Variants in ATR observed in about 807,000 individuals in gnomAD.
The protein encoded by ATR is ATR checkpoint kinase, also known as serine/threonine-protein kinase ATR.
In ATR, 142 loss-of-function variants were observed where a neutral mutation model predicts 305.3. That is an observed-to-expected ratio of 0.47 (90% CI 0.41 to 0.53). The LOEUF is 0.53. ATR is among the 20% of genes least tolerant of loss of function. The pLI is 0.00. For missense variants in ATR, 2,135 were observed against 3,133.1 expected (o/e 0.68, Z 7.60); for synonymous variants, 1,050 against 1,068.1 (o/e 0.98, Z 0.33).
intron 36 of ATR, among the ~76,000 whole-genome samples, chr3:142,471,088 T>G (rs1313199199): frequency 6.6e-6 from 1 of 152,144 alleles, no homozygotes; most frequent in Non-Finnish European, 1.5e-5. Flanking sequence ...TCGTACCTAT[T>G]AAACAGTAAC....
chr3:142,565,921 T>C (rs1189493863), intron 3 of ATR, among the ~76,000 whole-genome samples, 200 bp downstream of exon 3: 3 of 152,124 alleles, frequency 2.0e-5, no homozygotes, highest in Admixed American at 2.0e-4. Context: ...TGATTATTTC[T>C]AAGTACCTAG....
At position 142,547,755 on chromosome 3, in the gene ATR, G is replaced by A. The variant is rs147717467; in HGVS notation, c.3327C>T (p.Gly1109=). ...GTTCAGGTGATATGATATCTCTCGG[G>A]CCCTGATATGGATCATCACTGGATG... is the stretch of plus-strand genomic sequence containing the variant. ...SFASSDDPYQ[G]PRDIISPELM... The change falls in exon 16 of 47, where the codon GGC becomes GGT. Residue 1109 remains glycine, a synonymous_variant. Transcript: ENST00000350721. 1.5e-5 allele frequency: 25 copies of A among 1,613,714 alleles called. No homozygotes were observed. The African/African-American group carries it at 3.3e-4, about 22-fold the overall frequency.
intron 39 of ATR, 60 bp downstream of exon 39, chr3:142,467,874 C>A (rs1361277856): frequency 1.1e-5 from 18 of 1,580,468 alleles, no homozygotes; most frequent in Middle Eastern, 1.7e-4. Context: ...AAAAAATCTG[C>A]TCAAATTATA....
At chr3:142,466,107 C>T (rs757429253) in intron 40 of ATR, among the ~76,000 whole-genome samples, 15 of 151,256 alleles carry the variant, frequency 9.9e-5, no homozygotes, top group African/African-American at 2.7e-4. Flanking sequence ...AAAATCAAAA[C>T]GTTACGGTGA....
intron 46 of ATR, chr3:142,450,890 T>C: frequency 7.8e-7 from 1 of 1,276,664 alleles, no homozygotes; most frequent in Non-Finnish European, 1.0e-6. Flanking sequence ...CAATACGGTG[T>C]TAAAAATGGT....
intron 36 of ATR, among the ~76,000 whole-genome samples, chr3:142,470,484 T>A (rs146672007): frequency 6.6e-6 from 1 of 152,100 alleles, no homozygotes; most frequent in Non-Finnish European, 1.5e-5. Flanking sequence ...TTCCTTAGGA[T>A]CTCTGTGCCT....
intron 35 of ATR, among the ~76,000 whole-genome samples, chr3:142,492,529 T>A (rs943893496): frequency 2.6e-5 from 4 of 152,240 alleles, no homozygotes; most frequent in Non-Finnish European, 2.9e-5. Flanking sequence ...GCTTTATTAT[T>A]TCCTTTCTTC....
At chr3:142,512,571 GA>G in intron 26 of ATR, 101 bp from the exon 27 acceptor site, 1 of 1,019,188 alleles carries the variant, frequency 9.8e-7, no homozygotes, top group Non-Finnish European at 1.4e-6. Flanking sequence ...ATTTTCAAAA[GA>G]AAAAACACAA....
chr3:142,573,370 G>A (rs1166602055), intron 1 of ATR, among the ~76,000 whole-genome samples: 13 of 150,504 alleles, frequency 8.6e-5, no homozygotes, highest in African/African-American at 2.5e-5. Context: ...CAGGAGAATC[G>A]CTGGGACATG....
intron 13 of ATR, among the ~76,000 whole-genome samples, chr3:142,552,668 T>TAAAAA (rs2034514126): frequency 2.7e-5 from 1 of 37,134 alleles, no homozygotes; most frequent in Non-Finnish European, 4.6e-5. Context: ...ATACTCCATC[T>TAAAAA]CAAAAAAAAA....
At chr3:142,479,762 A>C (rs916974884) in intron 36 of ATR, among the ~76,000 whole-genome samples, 7 of 151,946 alleles carry the variant, frequency 4.6e-5, no homozygotes, top group African/African-American at 1.7e-4. Flanking sequence ...ATAGTCCCAT[A>C]TTTCTTGGAG....
chr3:142,495,849 T>C (rs1029101950), intron 34 of ATR, among the ~76,000 whole-genome samples: 2 of 152,124 alleles, frequency 1.3e-5, no homozygotes, highest in African/African-American at 4.8e-5. Context: ...TACTTTGGCT[T>C]TAATCTGAGG....
chr3:142,495,533 AGGAGATCGAGACCACCCT>A (rs1292766428), intron 34 of ATR, among the ~76,000 whole-genome samples: 2 of 152,138 alleles, frequency 1.3e-5, no homozygotes, highest in Non-Finnish European at 2.9e-5. Context: ...TCATGAGGTC[AGGAGATCGAGACCACCCT>A]GGCTAACACG....
intron 29 of ATR, among the ~76,000 whole-genome samples, chr3:142,504,865 T>C (rs1425784775): frequency 6.6e-6 from 1 of 152,090 alleles, no homozygotes; most frequent in Non-Finnish European, 1.5e-5. Context: ...TCAGTGACAC[T>C]GACAGAAACA....
intron 30 of ATR, 162 bp from the exon 31 acceptor site, chr3:142,499,880 C>T (rs2108345085): frequency 1.7e-6 from 1 of 604,528 alleles, no homozygotes; most frequent in Non-Finnish European, 2.8e-6. Flanking sequence ...AGAAACTATC[C>T]AGAAAATTTT....
Position 142,457,695 on chromosome 3 carries a change from C to T in ATR, c.7564G>A (p.Gly2522Arg). 1 of 1,614,050 alleles carries T rather than the reference C, an allele frequency of 6.2e-7. No individual in the cohort carries two copies. Reference protein sequence around the residue: ...PFRLTHNMVNGMGPMGTEGLF... With the variant: ...PFRLTHNMVNRMGPMGTEGLF... ...CCCTCTGTTCCCATAGGACCCATTC[C>T]ATTAACCATATTATGAGTCAGGCGA... is the stretch of plus-strand genomic sequence containing the variant. The change falls in exon 45 of 47, where the codon GGA (glycine) becomes AGA (arginine). Residue 2522 changes from glycine (G) to arginine (R), a missense_variant. Physicochemically the swap from Gly to Arg is moderately radical, Grantham distance 125. This residue lies in a region of ATR where 462 missense variants were observed against 887.6 expected (regional missense o/e 0.52). Transcript: ENST00000350721.
chr3:142,497,599 A>G (rs2031721821), intron 32 of ATR, among the ~76,000 whole-genome samples: 1 of 151,452 alleles, frequency 6.6e-6, no homozygotes, highest in African/African-American at 2.4e-5. Flanking sequence ...AAATAAATAA[A>G]TAAAATTAAT....
At chr3:142,560,031 T>A (rs2034819529) in intron 6 of ATR, among the ~76,000 whole-genome samples, 1 of 152,238 alleles carries the variant, frequency 6.6e-6, no homozygotes, top group African/African-American at 2.4e-5. Flanking sequence ...TTCTAATTTT[T>A]AAAATAGGCA....
At chr3:142,540,360 C>T (rs2034005703) in intron 18 of ATR, among the ~76,000 whole-genome samples, 1 of 152,118 alleles carries the variant, frequency 6.6e-6, no homozygotes, top group African/African-American at 2.4e-5. Context: ...AAAAACATCT[C>T]TGATACATAC....
Sources: allele counts gnomAD v4.1 joint callset (sites outside exome capture counted in the v4.1 genomes callset), GRCh38; gene constraint gnomAD v4.1.1; regional missense constraint gnomAD v4.1.1; transcripts MANE v1.5; gene names NCBI Gene and HGNC (gene_info 2026-07-23, HGNC 2026-07-21).